Variants in BNC2 observed in about 807,000 individuals in gnomAD.
BNC2 encodes the protein basonuclin zinc finger protein 2.
In BNC2, 20 loss-of-function variants were observed where a neutral mutation model predicts 76.3. That is an observed-to-expected ratio of 0.26 (90% CI 0.18 to 0.38). BNC2 has a LOEUF of 0.38. Ranked by LOEUF, BNC2 falls within the 10% of genes least tolerant of loss-of-function variation. BNC2 has a pLI of 1.00. For synonymous variants in BNC2, 582 were observed against 514.8 expected (o/e 1.13, Z -1.77); for missense variants, 1,382 against 1,399.8 (o/e 0.99, Z 0.20).
intron 1 of BNC2, among the ~76,000 whole-genome samples, chr9:16,864,141 T>C (rs1475343374): frequency 1.2e-4 from 19 of 152,206 alleles, no homozygotes; most frequent in Admixed American, 1.2e-3. Flanking sequence ...TCTAGCCAAT[T>C]AAGCAAATGT....
chr9:16,486,802 T>C (rs2149160), intron 5 of BNC2, among the ~76,000 whole-genome samples: 17,783 of 152,088 alleles, frequency 0.12, 1,364 homozygotes, highest in East Asian at 0.29. Flanking sequence ...CACAGCTGAC[T>C]GTAACATCAA....
chr9:16,496,403 G>C (rs1822390298), intron 5 of BNC2, among the ~76,000 whole-genome samples: 4 of 152,108 alleles, frequency 2.6e-5, no homozygotes, highest in Admixed American at 2.6e-4. Flanking sequence ...TTTAGAACTA[G>C]GATTGGACTA....
At chr9:16,643,092 TA>T (rs1466315333) in intron 3 of BNC2, among the ~76,000 whole-genome samples, 1 of 152,142 alleles carries the variant, frequency 6.6e-6, no homozygotes, top group Non-Finnish European at 1.5e-5. Context: ...CACAGATGAA[TA>T]ATGATCACAG....
chr9:16,536,640 T>C (rs1385621902), intron 5 of BNC2, among the ~76,000 whole-genome samples: 4 of 152,194 alleles, frequency 2.6e-5, no homozygotes, highest in Non-Finnish European at 5.9e-5. Flanking sequence ...AATAAAGCTT[T>C]GTATATATAT....
chr9:16,501,105 T>C (rs573530959), intron 5 of BNC2, among the ~76,000 whole-genome samples: 1 of 121,184 alleles, frequency 8.3e-6, no homozygotes, highest in South Asian at 3.4e-4. Context: ...ATAAAGTTAG[T>C]AATCATACTT....
At chr9:16,527,177 T>C (rs1337524988) in intron 5 of BNC2, among the ~76,000 whole-genome samples, 1 of 152,164 alleles carries the variant, frequency 6.6e-6, no homozygotes, top group Non-Finnish European at 1.5e-5. Flanking sequence ...GCTACTGGCT[T>C]CTCATTCTTA....
chr9:16,859,471 A>G (rs556456130), intron 1 of BNC2, among the ~76,000 whole-genome samples: 1 of 152,372 alleles, frequency 6.6e-6, no homozygotes, highest in African/African-American at 2.4e-5. Context: ...ATGAATGGAT[A>G]AAGAAAATGT....
chr9:16,528,605 G>A (rs765087125), intron 5 of BNC2, among the ~76,000 whole-genome samples: 9 of 152,158 alleles, frequency 5.9e-5, no homozygotes, highest in Non-Finnish European at 1.2e-4. Context: ...AGTTTTAGAA[G>A]TACCTACATA....
intron 5 of BNC2, among the ~76,000 whole-genome samples, chr9:16,448,803 A>C (rs1263369987): frequency 1.3e-5 from 2 of 152,336 alleles, no homozygotes; most frequent in Middle Eastern, 3.4e-3. Context: ...ACAACACATT[A>C]TTACTTGTAA....
chr9:16,674,731 G>C (rs942640594), intron 3 of BNC2, among the ~76,000 whole-genome samples: 18 of 152,104 alleles, frequency 1.2e-4, no homozygotes, highest in Non-Finnish European at 2.6e-4. Flanking sequence ...TGTAAACATA[G>C]TACCATACCC....
At position 16,613,742 on chromosome 9, in the gene BNC2, G is replaced by A. The variant is rs76053857; in HGVS notation, c.331-30657C>T. ...AATTCAGCTTTAAGTGAGAAATCCTGGGTAACCAGGACAGCAGACTATGAC... is the reference window on the plus strand; with the variant it reads ...AATTCAGCTTTAAGTGAGAAATCCTAGGTAACCAGGACAGCAGACTATGAC... On this transcript the variant is annotated intron_variant, in intron 3 of 6. Coordinates refer to ENST00000380672, the MANE Select transcript of BNC2 (RefSeq NM_017637.6). Among the ~76,000 whole-genome samples the A allele has an allele frequency of 6.4e-3, 971 of 152,268 alleles. 13 individuals are homozygous for A. Among genetic ancestry groups the A allele is most frequent in the African/African-American group, 0.022 (911 of 41,558 alleles).
At chr9:16,695,172 TA>T (rs1823300769) in intron 3 of BNC2, among the ~76,000 whole-genome samples, 1 of 152,232 alleles carries the variant, frequency 6.6e-6, no homozygotes, top group Non-Finnish European at 1.5e-5. Flanking sequence ...TTATAAATGG[TA>T]AAATACATGA....
intron 5 of BNC2, among the ~76,000 whole-genome samples, chr9:16,491,446 G>A (rs1040174004): frequency 6.6e-6 from 1 of 152,084 alleles, no homozygotes; most frequent in Admixed American, 6.6e-5. Flanking sequence ...CAGAGGTAAG[G>A]GTCAAAATAA....
chr9:16,523,376 C>A (rs1817681341), intron 5 of BNC2, among the ~76,000 whole-genome samples: 1 of 150,164 alleles, frequency 6.7e-6, no homozygotes, highest in Admixed American at 6.7e-5. Flanking sequence ...GAGGCTAAGG[C>A]AGGAGAATGG....
intron 3 of BNC2, among the ~76,000 whole-genome samples, chr9:16,687,022 C>A (rs1268884287): frequency 6.6e-6 from 1 of 151,754 alleles, no homozygotes; most frequent in African/African-American, 2.4e-5. Context: ...GTAGATTAAC[C>A]CTCATTTTCC....
rs1216225607 is a variant in BNC2 at position 16,413,321 on chromosome 9, G to T, written c.*5668C>A. On this transcript the variant is annotated 3_prime_UTR_variant, in exon 7 of 7. Transcript: ENST00000380672. ...ATATAGCATTATAATGAACAATAAT[G>T]CTGATCCAATTCAGTGTACATGTAA... 6.6e-6 allele frequency: 1 copy of T among 150,524 alleles called. No homozygotes were observed. Among genetic ancestry groups the T allele is most frequent in the African/African-American group, 2.4e-5 (1 of 40,896 alleles). The allele number at this position is 150,524 out of a possible 1,614,324, so 9.3% of individuals were successfully genotyped here.
chr9:16,505,643 G>A (rs1822608234), intron 5 of BNC2, among the ~76,000 whole-genome samples: 1 of 152,102 alleles, frequency 6.6e-6, no homozygotes, highest in Non-Finnish European at 1.5e-5. Flanking sequence ...TAAGTTTACA[G>A]AGAAAACTTT....
At chr9:16,836,743 A>C (rs1393067906) in intron 1 of BNC2, among the ~76,000 whole-genome samples, 2 of 152,128 alleles carry the variant, frequency 1.3e-5, no homozygotes, top group Admixed American at 6.5e-5. Context: ...CATAAAGTAA[A>C]AATTATCTAA....
chr9:16,552,652 G>C lies in BNC2; in HGVS notation c.547C>G (p.Pro183Ala). The C allele has an allele frequency of 5.6e-6, 9 of 1,614,214 alleles. No homozygotes were observed. The highest frequency in any genetic ancestry group is 7.6e-6 in the Non-Finnish European group (9 of 1,180,046). ...TCCAGCAGGATCTTTAGCCGCACAG[G>C]CACTGCTTGTGTCCCATAGAGCATC... ...SLMLYGTQAV[P>A]VRLKILLDRL... Residue 183 changes from proline (P) to alanine (A), a missense_variant, in exon 5 of 7, where the codon CCT (proline) becomes GCT (alanine). Pro to Ala is a conservative substitution (Grantham distance 27). Coordinates refer to ENST00000380672, the MANE Select transcript of BNC2 (RefSeq NM_017637.6).
Sources: allele counts gnomAD v4.1 joint callset (sites outside exome capture counted in the v4.1 genomes callset), GRCh38; gene constraint gnomAD v4.1.1; transcripts MANE v1.5; gene names NCBI Gene and HGNC (gene_info 2026-07-23, HGNC 2026-07-21).